SPAG16: variants seen among roughly 807,000 people sequenced by gnomAD.
SPAG16 encodes the protein sperm-associated antigen 16 protein.
Under a neutral mutation model 80.4 loss-of-function variants are expected in SPAG16, and 86 were observed. The observed-to-expected ratio is 1.07, with a 90% CI of 0.90 to 1.28. SPAG16 has a LOEUF of 1.28. SPAG16 is among the 50% of genes most tolerant of loss of function. The pLI, the probability that SPAG16 is intolerant of heterozygous loss-of-function variation, is 0.00. For missense variants in SPAG16, 870 were observed against 765.3 expected, an observed-to-expected ratio of 1.14 and a Z score of -1.61; for synonymous variants, 294 against 265.9, an observed-to-expected ratio of 1.11 and a Z score of -1.03.
intron 13 of SPAG16, among the ~76,000 whole-genome samples, chr2:214,023,657 C>A (rs2047996427): frequency 6.6e-6 from 1 of 151,734 alleles, no homozygotes; most frequent in Non-Finnish European, 1.5e-5. Context: ...AATAGTAGAT[C>A]AATTTAATAT....
intron 13 of SPAG16, among the ~76,000 whole-genome samples, chr2:214,103,158 A>G (rs1274135457): frequency 6.6e-6 from 1 of 152,140 alleles, no homozygotes; most frequent in African/African-American, 2.4e-5. Flanking sequence ...CATGCCCAAG[A>G]AGCTGCTTCT....
At chr2:213,662,550 A>C (rs1415234574) in intron 10 of SPAG16, among the ~76,000 whole-genome samples, 1 of 152,172 alleles carries the variant, frequency 6.6e-6, no homozygotes, top group Non-Finnish European at 1.5e-5. Context: ...AAATCTTTGC[A>C]GTATCTAATA....
chr2:213,644,136 T>G (rs2062732019), intron 10 of SPAG16, among the ~76,000 whole-genome samples: 1 of 151,614 alleles, frequency 6.6e-6, no homozygotes, highest in Non-Finnish European at 1.5e-5. Context: ...AGGGCTCTGA[T>G]GCACCCTTCA....
At chr2:214,101,736 G>A (rs551934445) in intron 13 of SPAG16, among the ~76,000 whole-genome samples, 10 of 152,164 alleles carry the variant, frequency 6.6e-5, no homozygotes, top group African/African-American at 1.9e-4. Flanking sequence ...TTTATTTGTG[G>A]GTTAGATGCC....
At chr2:213,398,746 C>T (rs2068167553) in intron 9 of SPAG16, among the ~76,000 whole-genome samples, 1 of 152,182 alleles carries the variant, frequency 6.6e-6, no homozygotes. Context: ...ACATATCTCT[C>T]ATATGCTATG....
intron 15 of SPAG16, among the ~76,000 whole-genome samples, chr2:214,193,467 G>T (rs749567801): frequency 4.6e-5 from 7 of 150,578 alleles, no homozygotes; most frequent in Middle Eastern, 3.5e-3. Flanking sequence ...GAGAGAAGGG[G>T]GTAGAGCTCA....
intron 10 of SPAG16, among the ~76,000 whole-genome samples, chr2:213,541,882 T>C (rs977942491): frequency 1.3e-5 from 2 of 152,216 alleles, no homozygotes; most frequent in Non-Finnish European, 2.9e-5. Flanking sequence ...CACTGAGTTC[T>C]TCCTCACTGG....
At chr2:213,592,867 AC>A (rs1209659657) in intron 10 of SPAG16, among the ~76,000 whole-genome samples, 1 of 152,208 alleles carries the variant, frequency 6.6e-6, no homozygotes, top group Non-Finnish European at 1.5e-5. Flanking sequence ...ACTGGCAGAA[AC>A]CGTTTTAACA....
intron 13 of SPAG16, among the ~76,000 whole-genome samples, chr2:214,028,327 T>C (rs752964928): frequency 2.6e-5 from 4 of 152,056 alleles, no homozygotes; most frequent in Non-Finnish European, 5.9e-5. Flanking sequence ...TCTTAGTTCC[T>C]AAAAGCCACA....
chr2:213,924,437 C>A (rs1477794600), intron 11 of SPAG16, among the ~76,000 whole-genome samples: 1 of 152,162 alleles, frequency 6.6e-6, no homozygotes, highest in South Asian at 2.1e-4. Context: ...TAGCTTTGCT[C>A]CTCTCTGTTC....
chr2:213,984,592 T>A (rs1410602288), intron 12 of SPAG16, among the ~76,000 whole-genome samples: 1 of 152,116 alleles, frequency 6.6e-6, no homozygotes, highest in Admixed American at 6.6e-5. Context: ...GTGGATCACC[T>A]TAGTTCAAGA....
intron 13 of SPAG16, among the ~76,000 whole-genome samples, chr2:214,084,160 T>C (rs1423262006): frequency 6.6e-6 from 1 of 152,174 alleles, no homozygotes; most frequent in Non-Finnish European, 1.5e-5. Flanking sequence ...TTTCCCTCAG[T>C]ACCTCTTCAC....
At chr2:213,698,603 A>G (rs1179239076) in intron 10 of SPAG16, among the ~76,000 whole-genome samples, 1 of 152,064 alleles carries the variant, frequency 6.6e-6, no homozygotes, top group Admixed American at 6.6e-5. Context: ...TTCTCATTCT[A>G]CATATTCTTT....
chr2:213,751,545 C>T (rs2068077009), intron 10 of SPAG16, among the ~76,000 whole-genome samples: 1 of 152,176 alleles, frequency 6.6e-6, no homozygotes, highest in Admixed American at 6.5e-5. Flanking sequence ...GAACTCCCTG[C>T]CACCTCCAGT....
At chr2:213,422,220 T>C in intron 9 of SPAG16, 1 of 701,656 alleles carries the variant, frequency 1.4e-6, no homozygotes. Context: ...GACACCCTCT[T>C]TGGGGCTGTG....
Position 214,131,811 on chromosome 2 carries a change from G to A in SPAG16, c.1594-17329G>A, listed in dbSNP as rs148005642. 6.4e-4 allele frequency among the ~76,000 whole-genome samples: 98 copies of A among 152,246 alleles called. 1 individual carries two copies. The highest frequency in any genetic ancestry group is 2.2e-3 in the African/African-American group (93 of 41,552). On this transcript the variant is annotated intron_variant, in intron 14 of 15. Transcript: ENST00000331683. Reference sequence around the variant, plus strand: ...GGTTGCCAGGGGCTGGAGGGAGGGAGGGATGAATAGACAGGGCATAGACAA... The same window carrying A: ...GGTTGCCAGGGGCTGGAGGGAGGGAAGGATGAATAGACAGGGCATAGACAA...
Position 213,317,263 on chromosome 2 carries a change from G to T in SPAG16, c.443G>T (p.Gly148Val), listed in dbSNP as rs755755174. The stretch of plus-strand genomic sequence containing the variant: ...GGAGTGACTGAACTTAGAACTGTTG[G>T]GAATGTTCCAGATGTCTACACCCAG... ...QKGVTELRTV[G>V]NVPDVYTQIM... The change falls in exon 5 of 16, where the codon GGG becomes GTG. Residue 148 changes from glycine (G) to valine (V), a missense_variant. Coordinates refer to ENST00000331683, the MANE Select transcript of SPAG16 (RefSeq NM_024532.5). The T allele has an allele frequency of 5.7e-5, 91 of 1,608,976 alleles. No individual in the cohort carries two copies. The highest frequency in any genetic ancestry group is 7.6e-5 in the Non-Finnish European group (89 of 1,177,086).
chr2:214,342,077 G>T (rs1469257849), intron 15 of SPAG16, among the ~76,000 whole-genome samples: 1 of 152,058 alleles, frequency 6.6e-6, no homozygotes, highest in South Asian at 2.1e-4. Context: ...AAACAAAATT[G>T]CTCAAAAACT....
At chr2:213,604,106 G>A (rs187329928) in intron 10 of SPAG16, among the ~76,000 whole-genome samples, 253 of 152,126 alleles carry the variant, frequency 1.7e-3, no homozygotes, top group African/African-American at 5.8e-3. Context: ...TGGCCAGGCT[G>A]GTCTTGAACT....
Sources: allele counts gnomAD v4.1 joint callset (sites outside exome capture counted in the v4.1 genomes callset), GRCh38; gene constraint gnomAD v4.1.1; transcripts MANE v1.5; gene names NCBI Gene and HGNC (gene_info 2026-07-23, HGNC 2026-07-21).